YTHDC2: variants seen among roughly 807,000 people sequenced by gnomAD.
The protein encoded by YTHDC2 is YTH N6-methyladenosine RNA binding protein C2, also known as 3'-5' RNA helicase YTHDC2.
YTHDC2 carries 45 observed loss-of-function variants against 174.9 expected under a neutral mutation model. The observed-to-expected ratio is 0.26, with a 90% CI of 0.20 to 0.33. YTHDC2 has a LOEUF of 0.33. YTHDC2 is among the 10% of genes least tolerant of loss of function. The probability of loss-of-function intolerance (pLI) is 1.00; values close to 1 mark genes in which losing one functional copy is unlikely to be tolerated. For missense variants in YTHDC2, 1,650 were observed against 1,723.7 expected, an observed-to-expected ratio of 0.96 and a Z score of 0.76; for synonymous variants, 657 against 574.5, an observed-to-expected ratio of 1.14 and a Z score of -2.05.
intron 16 of YTHDC2, 76 bp from the exon 17 acceptor site, chr5:113,555,976 T>C (rs1355093107): frequency 8.4e-6 from 7 of 836,158 alleles, no homozygotes; most frequent in Non-Finnish European, 1.1e-5. Flanking sequence ...CATGTTAAAA[T>C]ATGTTGATAA....
intron 11 of YTHDC2, 143 bp from the exon 12 acceptor site, chr5:113,548,812 A>G: frequency 8.7e-7 from 1 of 1,153,462 alleles, no homozygotes; most frequent in East Asian, 2.8e-5. Context: ...ATAATTTTGA[A>G]TGACTTGTTT....
At chr5:113,535,918 T>C in intron 7 of YTHDC2, 120 bp downstream of exon 7, 2 of 748,722 alleles carry the variant, frequency 2.7e-6, no homozygotes, top group Non-Finnish European at 4.1e-6. Context: ...CCGTTCCACC[T>C]GAGATAGGCT....
At position 113,592,072 on chromosome 5, in the gene YTHDC2, T is replaced by C. The variant is rs1231953859; in HGVS notation, c.4106T>C (p.Phe1369Ser). The change falls in exon 28 of 30, where the codon TTT becomes TCT. Residue 1369 changes from phenylalanine (F) to serine (S), a missense_variant. By Grantham distance (155) the Phe-to-Ser change is radical. Coordinates refer to ENST00000161863, the MANE Select transcript of YTHDC2 (RefSeq NM_022828.5). Reference protein sequence around the residue: ...DWGSAGLGGVFKVEWIRKESL... With the variant: ...DWGSAGLGGVSKVEWIRKESL... ...GGCTCTGCTGGACTAGGAGGAGTAT[T>C]TAAGGTGGAGTGGATACGAAAAGAA... The C allele has an allele frequency of 6.2e-7, 1 of 1,613,016 alleles. No homozygotes were observed. Among genetic ancestry groups the C allele is most frequent in the South Asian group, 1.1e-5 (1 of 90,962 alleles).
intron 2 of YTHDC2, chr5:113,517,446 CCTT>C (rs1473555590): frequency 2.4e-6 from 1 of 411,040 alleles, no homozygotes; most frequent in Non-Finnish European, 4.8e-6. Context: ...GACTTCCTGT[CCTT>C]CTCTTCAGTA....
intron 2 of YTHDC2, among the ~76,000 whole-genome samples, chr5:113,524,716 A>G (rs1278510482): frequency 6.6e-6 from 1 of 152,290 alleles, no homozygotes; most frequent in Non-Finnish European, 1.5e-5. Context: ...GCTAAAGACA[A>G]ACTTTAACAC....
In YTHDC2 at chr5:113,548,955, G is replaced by C. The variant is rs1211118733; in HGVS notation, c.1623G>C (p.Trp541Cys). The C allele has an allele frequency of 6.2e-7, 1 of 1,611,248 alleles. No individual in the cohort carries two copies. Among genetic ancestry groups the C allele is most frequent in the Non-Finnish European group, 8.5e-7 (1 of 1,178,722 alleles). The change falls in exon 12 of 30, where the codon TGG (tryptophan) becomes TGC (cysteine). Residue 541 changes from tryptophan (W) to cysteine (C), a missense_variant and splice_region_variant. Trp to Cys is a radical substitution (Grantham distance 215, BLOSUM62 -2). This residue lies in a region of YTHDC2 where 411 missense variants were observed against 380.6 expected (regional missense o/e 1.08). Coordinates refer to ENST00000161863, the MANE Select transcript of YTHDC2 (RefSeq NM_022828.5). ...TTATATATCCTTTGAATTTTGGCAG[G>C]ATGGCATTGGATTGGGCTAAACACT... ...ANVHSKASNGWMALDWAKHFG... is the reference protein window; with the variant it reads ...ANVHSKASNGCMALDWAKHFG...
At chr5:113,561,998 G>GTGTT (rs1777022060) in intron 18 of YTHDC2, among the ~76,000 whole-genome samples, 1 of 142,138 alleles carries the variant, frequency 7.0e-6, no homozygotes, top group African/African-American at 2.6e-5. Context: ...GTGTGTGTGT[G>GTGTT]TTTTAAGTTT....
At chr5:113,558,556 T>C (rs1045409311) in intron 17 of YTHDC2, among the ~76,000 whole-genome samples, 1 of 152,108 alleles carries the variant, frequency 6.6e-6, no homozygotes, top group African/African-American at 2.4e-5. Flanking sequence ...CAGGTTTCTG[T>C]CTTAAAAAAT....
chr5:113,537,620 T>G (rs796457006), intron 7 of YTHDC2, among the ~76,000 whole-genome samples: 3 of 151,898 alleles, frequency 2.0e-5, no homozygotes, highest in African/African-American at 7.2e-5. Flanking sequence ...TGCCCTATGC[T>G]ATACTCTACT....
At chr5:113,580,852 T>G (rs989745236) in intron 24 of YTHDC2, among the ~76,000 whole-genome samples, 8 of 152,316 alleles carry the variant, frequency 5.3e-5, no homozygotes, top group Admixed American at 4.6e-4. Context: ...TTCTCTGTAG[T>G]CAGTCCTTCT....
At chr5:113,514,212 G>A in intron 1 of YTHDC2, 130 bp downstream of exon 1, 3 of 1,252,264 alleles carry the variant, frequency 2.4e-6, no homozygotes, top group Non-Finnish European at 3.4e-6. Context: ...CACCGTCCGG[G>A]GCGGGCCTCA....
chr5:113,567,346 T>A lies in YTHDC2; in HGVS notation c.3048+49T>A, dbSNP rs556194431. On this transcript the variant is annotated intron_variant, in intron 22 of 29. Coordinates refer to ENST00000161863, the MANE Select transcript of YTHDC2 (RefSeq NM_022828.5). ...GGTTTTGAGGTGAAACTAATTTAGGTAGTTCACTATCAATGAAAAATGCTC... is the reference window on the plus strand; with the variant it reads ...GGTTTTGAGGTGAAACTAATTTAGGAAGTTCACTATCAATGAAAAATGCTC... 3 of 1,455,662 alleles carry A rather than the reference T, an allele frequency of 2.1e-6. No individual in the cohort carries two copies. The East Asian group carries it at 7.2e-5, about 35-fold the overall frequency. 90.2% of individuals were successfully genotyped at this position (1,455,662 alleles called of 1,614,324 possible).
intron 10 of YTHDC2, among the ~76,000 whole-genome samples, chr5:113,546,848 G>T (rs1230697912): frequency 1.3e-5 from 2 of 152,186 alleles, no homozygotes; most frequent in Non-Finnish European, 2.9e-5. Context: ...TTTGGCAGGA[G>T]TCCTCAGTTT....
intron 5 of YTHDC2, 33 bp from the exon 6 acceptor site, chr5:113,534,272 A>G (rs761425167): frequency 2.3e-5 from 36 of 1,561,878 alleles, no homozygotes; most frequent in African/African-American, 1.2e-4. Context: ...AAAACTTGCA[A>G]TTGTGCACTT....
chr5:113,553,713 G>C, intron 14 of YTHDC2, 27 bp downstream of exon 14: 1 of 1,612,942 alleles, frequency 6.2e-7, no homozygotes, highest in African/African-American at 1.3e-5. Flanking sequence ...TATATCTGTT[G>C]CTTAAAATAA....
At position 113,581,433 on chromosome 5, in the gene YTHDC2, T is replaced by C. The variant is rs1351592233; in HGVS notation, c.3371T>C (p.Leu1124Pro). Residue 1124 changes from leucine (L) to proline (P), a missense_variant, in exon 25 of 30, where the codon CTG becomes CCG. This residue lies in a region of YTHDC2 where 913 missense variants were observed against 940.4 expected (regional missense o/e 0.97). Transcript: ENST00000161863. ...TLEPEAASLL[L>P]QLRQKWHSLF... Reference sequence around the variant, plus strand: ...CTATTACAGGCAGCTAGTTTATTGCTGCAGCTCAGACAGAAGTGGCATAGC... The same window carrying C: ...CTATTACAGGCAGCTAGTTTATTGCCGCAGCTCAGACAGAAGTGGCATAGC... The C allele has an allele frequency of 1.2e-6, 2 of 1,606,162 alleles. No individual in the cohort carries two copies. Among genetic ancestry groups the C allele is most frequent in the South Asian group, 1.1e-5 (1 of 89,742 alleles).
rs765486779 is a variant in YTHDC2 at position 113,581,674 on chromosome 5, T to C, written c.3612T>C (p.Asp1204=). Residue 1204 remains aspartate, a synonymous_variant, in exon 25 of 30, where the codon GAT becomes GAC. Transcript: ENST00000161863. The stretch of plus-strand genomic sequence containing the variant: ...ATAATAGTAGGAAAAGTTCAGCAGA[T>C]ACTGAATTTTCTGATGAGTGTACTA... ...RSNNSRKSSA[D]TEFSDECTTA... 5.6e-6 allele frequency: 9 copies of C among 1,608,588 alleles called. No homozygotes were observed. Among genetic ancestry groups the C allele is most frequent in the Non-Finnish European group, 1.7e-6 (2 of 1,178,292 alleles).
chr5:113,540,421 T>C (rs1775371696), intron 8 of YTHDC2, among the ~76,000 whole-genome samples: 1 of 152,200 alleles, frequency 6.6e-6, no homozygotes, highest in Non-Finnish European at 1.5e-5. Context: ...TTCACACTGC[T>C]GTAAAGATAC....
chr5:113,541,172 G>C, intron 9 of YTHDC2, 56 bp downstream of exon 9: 1 of 1,564,544 alleles, frequency 6.4e-7, no homozygotes, highest in Non-Finnish European at 8.8e-7. Flanking sequence ...GTAGGTTAAA[G>C]AACATTTTAT....
Sources: gnomAD v4.1 joint callset for allele counts (sites outside exome capture counted in the v4.1 genomes callset) on GRCh38, gnomAD v4.1.1 for gene constraint, gnomAD v4.1.1 regional missense constraint, MANE v1.5 for transcripts, NCBI Gene and HGNC (gene_info 2026-07-23, HGNC 2026-07-21) for gene names.